Variants in HIVEP1 observed in about 807,000 individuals in gnomAD.
The protein encoded by HIVEP1 is HIVEP zinc finger 1, also known as zinc finger protein 40.
In HIVEP1, 36 loss-of-function variants were observed where a neutral mutation model predicts 180.0. The observed-to-expected ratio is 0.20, with a 90% CI of 0.15 to 0.26. HIVEP1 has a LOEUF of 0.26. HIVEP1 is among the 10% of genes least tolerant of loss of function. The pLI is 1.00. For synonymous variants in HIVEP1, 1,239 were observed against 1,239.0 expected (o/e 1.00, Z 0.00); for missense variants, 3,143 against 3,268.7 (o/e 0.96, Z 0.94).
At chr6:12,100,027 T>C (rs1774020053) in intron 3 of HIVEP1, among the ~76,000 whole-genome samples, 1 of 152,220 alleles carries the variant, frequency 6.6e-6, no homozygotes. Flanking sequence ...CAGACTACTC[T>C]CAGTGTAGTT....
intron 2 of HIVEP1, among the ~76,000 whole-genome samples, chr6:12,073,151 C>T (rs958367213): frequency 1.2e-4 from 18 of 152,142 alleles, no homozygotes; most frequent in Non-Finnish European, 2.1e-4. Context: ...GCTTTGAGGC[C>T]TTTTAGAGTA....
chr6:12,146,702 T>C (rs1319237693), intron 7 of HIVEP1, among the ~76,000 whole-genome samples: 1 of 152,206 alleles, frequency 6.6e-6, no homozygotes, highest in Non-Finnish European at 1.5e-5. Context: ...GTAATGATCA[T>C]TCCAGGTTGA....
At chr6:12,150,114 A>G (rs1014875722) in intron 7 of HIVEP1, among the ~76,000 whole-genome samples, 5 of 152,232 alleles carry the variant, frequency 3.3e-5, no homozygotes, top group Admixed American at 6.5e-5. Flanking sequence ...TTGAGCTGCA[A>G]TGATAAGAAA....
intron 2 of HIVEP1, among the ~76,000 whole-genome samples, chr6:12,042,072 CT>C (rs551684741): frequency 0.041 from 5,252 of 127,938 alleles, 91 homozygotes; most frequent in African/African-American, 0.12. Flanking sequence ...TATTCGTACG[CT>C]TTTTTTTTTT....
rs1441605461 is a variant in HIVEP1 at position 12,119,959 on chromosome 6, C to T, written c.164C>T (p.Ala55Val). ...GGTGTGAAACGCAAAAAGATCGTAGCTGAGAATCACCTGAAAAAAATACCA... is the reference window on the plus strand; with the variant it reads ...GGTGTGAAACGCAAAAAGATCGTAGTTGAGAATCACCTGAAAAAAATACCA... ...LKGVKRKKIV[A>V]ENHLKKIPKS... is the part of the protein sequence containing the mutation. Residue 55 changes from alanine (A) to valine (V), a missense_variant, in exon 4 of 9, where the codon GCT (alanine) becomes GTT (valine). Around this residue, in one of 12 missense-constraint regions of HIVEP1, gnomAD observed 114 missense variants for 134.5 expected, o/e 0.85. Coordinates refer to ENST00000379388, the MANE Select transcript of HIVEP1 (RefSeq NM_002114.4). The T allele has an allele frequency of 4.4e-6, 7 of 1,608,910 alleles. No individual in the cohort carries two copies. Among genetic ancestry groups the T allele is most frequent in the Non-Finnish European group, 5.1e-6 (6 of 1,178,724 alleles).
At chr6:12,153,856 C>A (rs1443722353) in intron 7 of HIVEP1, among the ~76,000 whole-genome samples, 1 of 152,096 alleles carries the variant, frequency 6.6e-6, no homozygotes, top group Non-Finnish European at 1.5e-5. Context: ...GAGTAAAAGA[C>A]CCTAGAGCGG....
chr6:12,089,142 T>C, intron 2 of HIVEP1, 42 bp from the exon 3 acceptor site: 1 of 1,115,276 alleles, frequency 9.0e-7, no homozygotes, highest in Admixed American at 1.8e-5. Flanking sequence ...TCTTATTTGT[T>C]TAAGGTAAAT....
chr6:12,014,952 C>T (rs1001975171), intron 1 of HIVEP1, among the ~76,000 whole-genome samples: 2 of 152,204 alleles, frequency 1.3e-5, no homozygotes, highest in African/African-American at 4.8e-5. Context: ...GAGAAGAGCT[C>T]TGGAGGATCA....
At chr6:12,195,664 T>A in the HIVEP1 span, among the ~76,000 whole-genome samples, 2 of 20,358 alleles carry the variant, frequency 9.8e-5, no homozygotes, top group African/African-American at 1.7e-4. Context: ...CATACAGAAT[T>A]TAACTACTGG....
intron 2 of HIVEP1, among the ~76,000 whole-genome samples, chr6:12,031,069 C>G (rs1768906623): frequency 6.6e-6 from 1 of 152,116 alleles, no homozygotes; most frequent in Non-Finnish European, 1.5e-5. Context: ...TAAATCCTAG[C>G]TTCCTAGAGG....
At chr6:12,078,832 G>A (rs978484518) in intron 2 of HIVEP1, among the ~76,000 whole-genome samples, 10 of 151,880 alleles carry the variant, frequency 6.6e-5, no homozygotes, top group African/African-American at 4.8e-5. Context: ...CAGTGAGTTT[G>A]TTTTGTTTTT....
chr6:12,120,212 A>G lies in HIVEP1; in HGVS notation c.417A>G (p.Gln139=), dbSNP rs2228215. 0.33 allele frequency: 529,618 copies of G among 1,613,762 alleles called. 90,311 individuals are homozygous for G. Among genetic ancestry groups the G allele is most frequent in the Non-Finnish European group, 0.35 (417,269 of 1,179,774 alleles). The change falls in exon 4 of 9, where the codon CAA becomes CAG. Residue 139 remains glutamine, a synonymous_variant. Transcript: ENST00000379388. ...VSPKKPLFLQ[Q]PSELRRWRSE... Reference sequence around the variant, plus strand: ...CAAAGAAGCCCTTGTTTCTGCAGCAACCATCTGAACTGCGTAGATGGAGAT... The same window carrying G: ...CAAAGAAGCCCTTGTTTCTGCAGCAGCCATCTGAACTGCGTAGATGGAGAT...
chr6:12,121,526 T>C lies in HIVEP1; in HGVS notation c.1731T>C (p.Ser577=), dbSNP rs1157187514. 1 of 1,614,100 alleles carries C rather than the reference T, an allele frequency of 6.2e-7. No individual in the cohort carries two copies. The highest frequency in any genetic ancestry group is 1.6e-4 in the Middle Eastern group (1 of 6,062). ...HVTVSPLRTD[S]PKAMDPKPEL... is the part of the protein sequence containing the mutation. Reference sequence around the variant, plus strand: ...CTGTGTCCCCCTTAAGAACTGACAGTCCAAAGGCCATGGATCCCAAGCCTG... The same window carrying C: ...CTGTGTCCCCCTTAAGAACTGACAGCCCAAAGGCCATGGATCCCAAGCCTG... Residue 577 remains serine (S), a synonymous_variant, in exon 4 of 9, where the codon AGT becomes AGC. Transcript: ENST00000379388. The surrounding 1 kb of genome is among the most constrained non-coding windows in gnomAD (Gnocchi z 5.3).
intron 3 of HIVEP1, among the ~76,000 whole-genome samples, chr6:12,103,183 T>TATAATAATA (rs1561941100): frequency 2.5e-5 from 1 of 39,244 alleles, no homozygotes; most frequent in East Asian, 7.9e-4. Flanking sequence ...GTGTTGATTA[T>TATAATAATA]GTAATAATAA....
downstream of HIVEP1, among the ~76,000 whole-genome samples, chr6:12,166,573 A>G (rs1328396241): frequency 6.6e-6 from 1 of 152,240 alleles, no homozygotes; most frequent in East Asian, 1.9e-4. Context: ...TATAAAAAAT[A>G]TTACCAAAGT....
At chr6:12,184,018 TAGATAGAC>T in the HIVEP1 span, among the ~76,000 whole-genome samples, 998 of 129,782 alleles carry the variant, frequency 7.7e-3, 4 homozygotes, top group East Asian at 0.014. Context: ...GATAGATAGA[TAGATAGAC>T]AGACAGACAG....
intron 2 of HIVEP1, among the ~76,000 whole-genome samples, chr6:12,052,797 G>C (rs1045588111): frequency 2.0e-5 from 3 of 152,160 alleles, no homozygotes; most frequent in African/African-American, 7.2e-5. Context: ...AATGAAGTCT[G>C]AGGTTCTAAT....
intron 2 of HIVEP1, chr6:12,038,838 G>A (rs532374252): frequency 6.6e-6 from 1 of 152,296 alleles, no homozygotes; most frequent in South Asian, 2.1e-4. Flanking sequence ...TAGAGTTTTG[G>A]ATCTCTACTC....
chr6:12,009,809 C>T (rs1767185283), upstream of HIVEP1, among the ~76,000 whole-genome samples: 1 of 152,208 alleles, frequency 6.6e-6, no homozygotes, highest in African/African-American at 2.4e-5. Flanking sequence ...AGTTTAATAT[C>T]GGTTTGCTGC....
Sources: gnomAD v4.1 joint callset for allele counts (sites outside exome capture counted in the v4.1 genomes callset) on GRCh38, gnomAD v4.1.1 for gene constraint, gnomAD v4.1.1 regional missense constraint, Gnocchi (gnomAD v3.1) non-coding constraint, MANE v1.5 for transcripts, NCBI Gene and HGNC (gene_info 2026-07-23, HGNC 2026-07-21) for gene names.